Variants in SLCO4C1 observed in about 807,000 individuals in gnomAD.
SLCO4C1 encodes organic anion transporter M1.
Under a neutral mutation model 72.1 loss-of-function variants are expected in SLCO4C1, and 58 were observed. The observed-to-expected ratio is 0.80, with a 90% CI of 0.65 to 1.00. SLCO4C1 has a LOEUF of 1.00. Among genes scored for constraint, SLCO4C1 ranks in the 50% least tolerant of loss-of-function variants. The pLI is 0.00. For synonymous variants in SLCO4C1, 297 were observed against 312.5 expected, an observed-to-expected ratio of 0.95 and a Z score of 0.52; for missense variants, 898 against 857.9, an observed-to-expected ratio of 1.05 and a Z score of -0.58.
intron 2 of SLCO4C1, among the ~76,000 whole-genome samples, chr5:102,271,255 A>G: frequency 6.6e-6 from 1 of 151,904 alleles, no homozygotes; most frequent in African/African-American, 2.4e-5. Flanking sequence ...CACTGTCATA[A>G]TATTCTATAG....
Position 102,260,331 on chromosome 5 carries a change from AT to A in SLCO4C1, c.1022-13del, listed in dbSNP as rs761930702. ...AATTTCTGCTGTACCTAAAAAAAAAATATATATATATATATAATATATATAT... is the reference window on the plus strand; with the variant it reads ...AATTTCTGCTGTACCTAAAAAAAAAAATATATATATATATAATATATATAT... On this transcript the variant is annotated splice_polypyrimidine_tract_variant and intron_variant, in intron 5 of 12. Coordinates refer to ENST00000310954, the MANE Select transcript of SLCO4C1 (RefSeq NM_180991.5). The A allele has an allele frequency of 8.5e-3, 155 of 18,142 alleles. No homozygotes were observed. The highest frequency in any genetic ancestry group is 0.067 in the Middle Eastern group (2 of 30). The allele number at this position is 18,142 out of a possible 1,614,324, so 1.1% of individuals were successfully genotyped here.
chr5:102,288,458 C>A (rs1169380427), intron 2 of SLCO4C1, among the ~76,000 whole-genome samples: 1 of 152,178 alleles, frequency 6.6e-6, no homozygotes, highest in Non-Finnish European at 1.5e-5. Context: ...GCTGCTACCA[C>A]CCCAGTCTCA....
intron 11 of SLCO4C1, among the ~76,000 whole-genome samples, chr5:102,239,846 T>C (rs767922014): frequency 8.5e-5 from 13 of 152,096 alleles, no homozygotes; most frequent in Non-Finnish European, 1.6e-4. Flanking sequence ...AGTGTATGTA[T>C]ATACAAATAT....
rs185199193 is a variant in SLCO4C1 at position 102,253,766 on chromosome 5, C to T, written c.1469+3349G>A. Reference sequence around the variant, plus strand: ...GTTGCAGTGAGCTGAGATCGTGCCACTACACTCCAGCCTGGGCGACCAAAG... The same window carrying T: ...GTTGCAGTGAGCTGAGATCGTGCCATTACACTCCAGCCTGGGCGACCAAAG... On this transcript the variant is annotated intron_variant, in intron 8 of 12. Transcript: ENST00000310954. Among the ~76,000 whole-genome samples, 239 of 150,912 alleles carry T rather than the reference C, an allele frequency of 1.6e-3. 3 individuals carry two copies. Among genetic ancestry groups the T allele is most frequent in the African/African-American group, 5.6e-3 (230 of 41,088 alleles).
In SLCO4C1 at chr5:102,257,191, G is replaced by C; in HGVS notation, c.1393C>G (p.Leu465Val). Residue 465 changes from leucine to valine, a missense_variant, in exon 8 of 13, where the codon CTT (leucine) becomes GTT (valine). Transcript: ENST00000310954. ...TACATAAATACAAAACTCAGCGTAA[G>C]TGCAACTCCAGATGTGAACAGTGCA... ...KFALFTSGVA[L>V]TLSFVFMYAK... 6.2e-7 allele frequency: 1 copy of C among 1,608,714 alleles called. No individual in the cohort carries two copies. Among genetic ancestry groups the C allele is most frequent in the African/African-American group, 1.3e-5 (1 of 74,674 alleles).
chr5:102,243,556 A>T (rs764146707), intron 10 of SLCO4C1, among the ~76,000 whole-genome samples: 2 of 152,226 alleles, frequency 1.3e-5, no homozygotes, highest in African/African-American at 2.4e-5. Flanking sequence ...CCCTTAAAGC[A>T]GATACAACTA....
rs1561385196 is a variant in SLCO4C1, at chr5:102,295,957, G to A, written c.306C>T (p.Asn102=). Residue 102 remains asparagine (N), a synonymous_variant, in exon 1 of 13, where the codon AAC becomes AAT. Transcript: ENST00000310954. ...NFHPQCLQRC[N]TPGGFLLHYC... is the part of the protein sequence containing the mutation. ...AGTGAAGCAGAAAGCCTCCAGGTGT[G>A]TTGCAGCGCTGGAGACATTGAGGAT... 1 of 1,614,258 alleles carries A rather than the reference G, an allele frequency of 6.2e-7. No individual in the cohort carries two copies. Among genetic ancestry groups the A allele is most frequent in the African/African-American group, 1.3e-5 (1 of 75,076 alleles).
chr5:102,245,713 C>T (rs1475824175), intron 10 of SLCO4C1, among the ~76,000 whole-genome samples: 1 of 152,128 alleles, frequency 6.6e-6, no homozygotes, highest in Admixed American at 6.5e-5. Flanking sequence ...ATTTACAGAA[C>T]ATTGCATCCA....
chr5:102,286,897 T>C (rs948079751), intron 2 of SLCO4C1, among the ~76,000 whole-genome samples: 4 of 152,166 alleles, frequency 2.6e-5, no homozygotes, highest in African/African-American at 9.6e-5. Context: ...TACATGTTTA[T>C]CATATTTTAT....
At chr5:102,251,441 G>C (rs937557471) in intron 8 of SLCO4C1, among the ~76,000 whole-genome samples, 1 of 152,120 alleles carries the variant, frequency 6.6e-6, no homozygotes, top group African/African-American at 2.4e-5. Flanking sequence ...TGATGGATTG[G>C]TTGAAGATGA....
chr5:102,287,849 C>T (rs550375346), intron 2 of SLCO4C1, among the ~76,000 whole-genome samples: 123 of 152,100 alleles, frequency 8.1e-4, no homozygotes, highest in Admixed American at 2.0e-3. Flanking sequence ...TCATTGCGCC[C>T]GGCCAGGTTT....
intron 2 of SLCO4C1, among the ~76,000 whole-genome samples, chr5:102,278,243 A>C (rs1749285483): frequency 6.6e-6 from 1 of 152,290 alleles, no homozygotes; most frequent in Admixed American, 6.5e-5. Context: ...ACTTTAGAGC[A>C]AAAAAATTTA....
intron 11 of SLCO4C1, among the ~76,000 whole-genome samples, chr5:102,240,078 T>C (rs538842534): frequency 1.3e-5 from 2 of 152,244 alleles, no homozygotes; most frequent in African/African-American, 4.8e-5. Context: ...ATCATTTTCC[T>C]ACTTTCATTT....
At chr5:102,266,256 A>G (rs1180814995) in intron 3 of SLCO4C1, among the ~76,000 whole-genome samples, 1 of 152,016 alleles carries the variant, frequency 6.6e-6, no homozygotes, top group African/African-American at 2.4e-5. Flanking sequence ...GAGAGAGACA[A>G]TTTGGCTTCC....
At chr5:102,284,556 T>C (rs543497499) in intron 2 of SLCO4C1, among the ~76,000 whole-genome samples, 4 of 151,906 alleles carry the variant, frequency 2.6e-5, no homozygotes, top group African/African-American at 7.2e-5. Flanking sequence ...ACTCTACATA[T>C]CATACCCCTA....
chr5:102,257,668 G>C (rs1279925880), intron 7 of SLCO4C1, among the ~76,000 whole-genome samples: 2 of 150,212 alleles, frequency 1.3e-5, no homozygotes, highest in African/African-American at 4.9e-5. Context: ...ACCCAGGCTG[G>C]AGTACAATGG....
At chr5:102,260,791 A>G (rs1748926668) in intron 5 of SLCO4C1, among the ~76,000 whole-genome samples, 2 of 152,052 alleles carry the variant, frequency 1.3e-5, no homozygotes, top group Non-Finnish European at 2.9e-5. Flanking sequence ...AATATTTGCC[A>G]TCTTATTACC....
At chr5:102,287,544 T>A in intron 2 of SLCO4C1, among the ~76,000 whole-genome samples, 1 of 141,746 alleles carries the variant, frequency 7.1e-6, no homozygotes, top group Admixed American at 7.1e-5. Context: ...CTTTTTTTTT[T>A]TTTTTTTTTT....
intron 4 of SLCO4C1, among the ~76,000 whole-genome samples, chr5:102,263,206 C>T (rs530566846): frequency 6.6e-6 from 1 of 152,192 alleles, no homozygotes; most frequent in African/African-American, 2.4e-5. Flanking sequence ...TAGCATAGGA[C>T]AAATAAATAT....
Sources: allele counts gnomAD v4.1 joint callset (sites outside exome capture counted in the v4.1 genomes callset), GRCh38; gene constraint gnomAD v4.1.1; transcripts MANE v1.5; gene names NCBI Gene and HGNC (gene_info 2026-07-23, HGNC 2026-07-21).